The following TGM5 variants were observed in gnomAD, a reference collection of about 807,000 sequenced individuals.
TGM5 encodes protein-glutamine gamma-glutamyltransferase 5.
In TGM5, 69 loss-of-function variants were observed where a neutral mutation model predicts 77.2. That is an observed-to-expected ratio of 0.89 (90% CI 0.74 to 1.09). The LOEUF (loss-of-function observed/expected upper bound fraction) is 1.09. Among genes scored for constraint, TGM5 ranks in the 50% least tolerant of loss-of-function variants. The pLI is 0.00. For missense variants in TGM5, 842 were observed against 896.5 expected (o/e 0.94, Z 0.78); for synonymous variants, 346 against 351.8 (o/e 0.98, Z 0.18).
At position 43,235,480 on chromosome 15, in the gene TGM5, G is replaced by A. The variant is rs1166250906; in HGVS notation, c.1703C>T (p.Ser568Phe). 2.5e-6 allele frequency: 4 copies of A among 1,614,168 alleles called. No individual in the cohort carries two copies. The highest frequency in any genetic ancestry group is 3.4e-6 in the Non-Finnish European group (4 of 1,180,022). The change falls in exon 10 of 13, where the codon TCT (serine) becomes TTT (phenylalanine). Residue 568 changes from serine (S) to phenylalanine (F), a missense_variant. Ser to Phe is a radical substitution (Grantham distance 155). Around this residue, in one of 2 missense-constraint regions of TGM5, gnomAD observed 815 missense variants for 844.6 expected, o/e 0.96. Transcript: ENST00000220420. ...GTGCACATGCGTACCTTCTTTAGGA[G>A]AGAGTGTGATGAACGCTGTGTCCTG... The part of the protein sequence containing the change: ...FWQDTAFITL[S>F]PKEAKTYPCK...
intron 6 of TGM5, among the ~76,000 whole-genome samples, chr15:43,244,435 G>A (rs771027370): frequency 1.3e-5 from 2 of 152,186 alleles, no homozygotes; most frequent in African/African-American, 4.8e-5. Flanking sequence ...TGATGATTTT[G>A]TGGGATCTGA....
chr15:43,263,269 C>G (rs548480245), intron 1 of TGM5, among the ~76,000 whole-genome samples: 7 of 152,270 alleles, frequency 4.6e-5, no homozygotes, highest in African/African-American at 1.7e-4. Context: ...ATTAAGATAA[C>G]AAGTTTTTCT....
rs773076654 is a variant in TGM5 at position 43,260,247 on chromosome 15, G to A, written c.241C>T (p.Arg81Cys). Residue 81 changes from arginine (R) to cysteine (C), a missense_variant, in exon 3 of 13, where the codon CGC becomes TGC. Arg to Cys is a radical substitution (Grantham distance 180). This residue lies in a region of TGM5 where 815 missense variants were observed against 844.6 expected (regional missense o/e 0.96). Transcript: ENST00000220420. Reference protein sequence around the residue: ...LGTRAVFSLARHHSPSPWIAW... With the variant: ...LGTRAVFSLACHHSPSPWIAW... ...ATCCAGGGGCTGGGGCTGTGATGGCGTGCCAGGCTGAACACAGCCCGAGTC... is the reference window on the plus strand; with the variant it reads ...ATCCAGGGGCTGGGGCTGTGATGGCATGCCAGGCTGAACACAGCCCGAGTC... The A allele has an allele frequency of 1.7e-5, 27 of 1,613,798 alleles. No individual in the cohort carries two copies. Among genetic ancestry groups the A allele is most frequent in the Non-Finnish European group, 1.9e-5 (23 of 1,180,024 alleles).
chr15:43,266,888 C>G lies in TGM5; in HGVS notation c.-39G>C. On this transcript the variant is annotated 5_prime_UTR_variant, in exon 1 of 13. Coordinates refer to ENST00000220420, the MANE Select transcript of TGM5 (RefSeq NM_201631.4). ...GGTTCCTGGGATGCTCCCCACAGAA[C>G]AGCTGGGCGGTCTGGAGCTTCAGCA... The G allele has an allele frequency of 6.2e-7, 1 of 1,613,772 alleles. No individual in the cohort carries two copies. The highest frequency in any genetic ancestry group is 8.5e-7 in the Non-Finnish European group (1 of 1,179,976).
chr15:43,234,779 A>T lies in TGM5; in HGVS notation c.1865T>A (p.Ile622Asn), dbSNP rs761527288. Residue 622 changes from isoleucine (I) to asparagine (N), a missense_variant, in exon 11 of 13, where the codon ATC becomes AAC. Coordinates refer to ENST00000220420, the MANE Select transcript of TGM5 (RefSeq NM_201631.4). The stretch of plus-strand genomic sequence containing the variant: ...AGGACTCCTGCCTACATTAATCGTG[A>T]TGCTTGGATAAGATAAGGTGATGAT... The part of the protein sequence containing the change: ...NKIITLSYPS[I>N]TINVLGAAVV... 1 of 1,614,200 alleles carries T rather than the reference A, an allele frequency of 6.2e-7. No individual in the cohort carries two copies.
At position 43,260,227 on chromosome 15, in the gene TGM5, G is replaced by A. The variant is rs937314877; in HGVS notation, c.261C>T (p.Pro87=). 3 of 1,613,996 alleles carry A rather than the reference G, an allele frequency of 1.9e-6. No individual in the cohort carries two copies. Among genetic ancestry groups the A allele is most frequent in the Non-Finnish European group, 2.5e-6 (3 of 1,180,040 alleles). Residue 87 remains proline, a synonymous_variant, in exon 3 of 13, where the codon CCC becomes CCT. Coordinates refer to ENST00000220420, the MANE Select transcript of TGM5 (RefSeq NM_201631.4). ...CATTGGTCTCCAGCCAGGCAATCCAGGGGCTGGGGCTGTGATGGCGTGCCA... is the reference window on the plus strand; with the variant it reads ...CATTGGTCTCCAGCCAGGCAATCCAAGGGCTGGGGCTGTGATGGCGTGCCA... The part of the protein sequence containing the change: ...FSLARHHSPS[P]WIAWLETNGA...
intron 1 of TGM5, among the ~76,000 whole-genome samples, chr15:43,263,803 C>A (rs1406442313): frequency 6.6e-6 from 1 of 152,148 alleles, no homozygotes; most frequent in Admixed American, 6.5e-5. Flanking sequence ...GAGAGAAAAA[C>A]CAAATGAATT....
intron 5 of TGM5, among the ~76,000 whole-genome samples, 159 bp from the exon 6 acceptor site, chr15:43,253,095 G>A (rs1004062824): frequency 6.6e-6 from 1 of 152,142 alleles, no homozygotes; most frequent in Non-Finnish European, 1.5e-5. Flanking sequence ...GGCTAAGGAT[G>A]GGGGTTGACT....
At chr15:43,262,088 G>T (rs1329054516) in intron 1 of TGM5, among the ~76,000 whole-genome samples, 1 of 151,980 alleles carries the variant, frequency 6.6e-6, no homozygotes, top group East Asian at 1.9e-4. Flanking sequence ...TGCTGTTATA[G>T]CCCCAACTCA....
Position 43,260,228 on chromosome 15 carries a change from G to C in TGM5, c.260C>G (p.Pro87Arg), listed in dbSNP as rs779131925. ...ATTGGTCTCCAGCCAGGCAATCCAG[G>C]GGCTGGGGCTGTGATGGCGTGCCAG... is the stretch of plus-strand genomic sequence containing the variant. ...FSLARHHSPS[P>R]WIAWLETNGA... The change falls in exon 3 of 13, where the codon CCC becomes CGC. Residue 87 changes from proline to arginine, a missense_variant. Around this residue, in one of 2 missense-constraint regions of TGM5, gnomAD observed 815 missense variants for 844.6 expected, o/e 0.96. Coordinates refer to ENST00000220420, the MANE Select transcript of TGM5 (RefSeq NM_201631.4). The C allele has an allele frequency of 1.6e-5, 26 of 1,613,876 alleles. No individual in the cohort carries two copies. Among genetic ancestry groups the C allele is most frequent in the Non-Finnish European group, 2.2e-5 (26 of 1,180,040 alleles).
At chr15:43,264,110 G>A (rs117575520) in intron 1 of TGM5, among the ~76,000 whole-genome samples, 303 of 152,220 alleles carry the variant, frequency 2.0e-3, no homozygotes, top group Non-Finnish European at 3.3e-3. Flanking sequence ...ATACCATCTC[G>A]TATCTCCTAG....
intron 6 of TGM5, among the ~76,000 whole-genome samples, chr15:43,245,904 G>A (rs907056035): frequency 2.0e-5 from 3 of 147,446 alleles, no homozygotes; most frequent in African/African-American, 7.7e-5. Context: ...TGTGTTGGGG[G>A]GGGGGGTCTT....
Position 43,239,173 on chromosome 15 carries a change from C to T in TGM5, c.1095G>A (p.Glu365=), listed in dbSNP as rs2042615059. 6.2e-7 allele frequency: 1 copy of T among 1,614,186 alleles called. No homozygotes were observed. The highest frequency in any genetic ancestry group is 8.5e-7 in the Non-Finnish European group (1 of 1,180,032). Residue 365 remains glutamate (E), a synonymous_variant, in exon 8 of 13, where the codon GAG becomes GAA. Transcript: ENST00000220420. ...GWQVLDATPQ[E]MSNGVYCCGP... Reference sequence around the variant, plus strand: ...TCTGGAGAGCCTCACCGTTGCTCATCTCCTGAGGTGTGGCGTCCAGCACCT... The same window carrying T: ...TCTGGAGAGCCTCACCGTTGCTCATTTCCTGAGGTGTGGCGTCCAGCACCT...
chr15:43,261,074 G>GTTTTTTTT (rs1387299009), intron 1 of TGM5, among the ~76,000 whole-genome samples: 10 of 73,876 alleles, frequency 1.4e-4, no homozygotes, highest in African/African-American at 1.7e-4. Context: ...TTTTGTGTGT[G>GTTTTTTTT]TGTTTTTTTT....
rs780837099 is a variant in TGM5 at position 43,235,787 on chromosome 15, C to T, written c.1396G>A (p.Ala466Thr). Residue 466 changes from alanine to threonine, a missense_variant, in exon 10 of 13, where the codon GCT (alanine) becomes ACT (threonine). By Grantham distance (58) the Ala-to-Thr change is moderately conservative. Transcript: ENST00000220420. The stretch of plus-strand genomic sequence containing the variant: ...CTTTGGGAGCCATGGAAGCTTCTAG[C>T]CTTCAGCTTCTGCAGAGCCTTCAGA... ...VFLKALQKLK[A>T]RSFHGSQRGA... 4.3e-6 allele frequency: 7 copies of T among 1,614,138 alleles called. No homozygotes were observed. In the South Asian group the frequency reaches 6.6e-5, roughly 15 times the overall value.
Position 43,260,429 on chromosome 15 carries a change from A to G in TGM5, c.161T>C (p.Leu54Pro). 6.2e-7 allele frequency: 1 copy of G among 1,614,212 alleles called. No individual in the cohort carries two copies. Among genetic ancestry groups the G allele is most frequent in the African/African-American group, 1.3e-5 (1 of 75,054 alleles). ...TTCAACCACGAAGATGATGTTGTCCAGGCCTGGCTGGAAGCTCCGGTTCCT... is the reference window on the plus strand; with the variant it reads ...TTCAACCACGAAGATGATGTTGTCCGGGCCTGGCTGGAAGCTCCGGTTCCT... ...YFRNRSFQPG[L>P]DNIIFVVETG... is the part of the protein sequence containing the mutation. The change falls in exon 2 of 13, where the codon CTG becomes CCG. Residue 54 changes from leucine (L) to proline (P), a missense_variant. Physicochemically the swap from Leu to Pro is moderately conservative, Grantham distance 98. Around this residue, in one of 2 missense-constraint regions of TGM5, gnomAD observed 815 missense variants for 844.6 expected, o/e 0.96. Transcript: ENST00000220420.
intron 6 of TGM5, among the ~76,000 whole-genome samples, chr15:43,251,133 C>T (rs2042700628): frequency 6.6e-6 from 1 of 152,132 alleles, no homozygotes; most frequent in South Asian, 2.1e-4. Context: ...TCCTGAAGGA[C>T]TCAGTCCTCT....
At chr15:43,246,450 A>G (rs113518124) in intron 6 of TGM5, among the ~76,000 whole-genome samples, 2,161 of 152,290 alleles carry the variant, frequency 0.014, 42 homozygotes, top group African/African-American at 0.049. Context: ...CACCCTTGAT[A>G]TTATGTGAGC....
At chr15:43,256,299 C>T (rs1404599633) in intron 4 of TGM5, among the ~76,000 whole-genome samples, 1 of 152,184 alleles carries the variant, frequency 6.6e-6, no homozygotes, top group East Asian at 1.9e-4. Context: ...TCCATCTTCA[C>T]CCTCATGCTC....
Sources: gnomAD v4.1 joint callset for allele counts (sites outside exome capture counted in the v4.1 genomes callset) on GRCh38, gnomAD v4.1.1 for gene constraint, gnomAD v4.1.1 regional missense constraint, MANE v1.5 for transcripts, NCBI Gene and HGNC (gene_info 2026-07-23, HGNC 2026-07-21) for gene names.